The following NCK2 variants were observed in gnomAD, a reference collection of about 807,000 sequenced individuals.
NCK2 encodes NCK adaptor protein 2, also known as cytoplasmic protein NCK2.
Under a neutral mutation model 33.9 loss-of-function variants are expected in NCK2, and 16 were observed. The ratio of observed to expected loss-of-function variants is 0.47; its 90% confidence interval spans 0.32 to 0.72. The LOEUF (loss-of-function observed/expected upper bound fraction) is 0.72. Ranked by LOEUF, NCK2 falls within the 30% of genes least tolerant of loss-of-function variation. The pLI is 0.03. For missense variants in NCK2, 418 were observed against 537.3 expected (o/e 0.78, Z 2.19); for synonymous variants, 273 against 239.9 (o/e 1.14, Z -1.27).
At chr2:105,773,045 C>A (rs1573575066) in intron 1 of NCK2, among the ~76,000 whole-genome samples, 1 of 151,738 alleles carries the variant, frequency 6.6e-6, no homozygotes. Context: ...GTGTGTAGCA[C>A]CCCACTCAGC....
chr2:105,748,083 C>T (rs1689346887), intron 1 of NCK2, among the ~76,000 whole-genome samples: 1 of 152,208 alleles, frequency 6.6e-6, no homozygotes, highest in Non-Finnish European at 1.5e-5. Flanking sequence ...CACATACATT[C>T]CTACCTCAAG....
At chr2:105,811,193 C>G (rs1205006358) in intron 1 of NCK2, among the ~76,000 whole-genome samples, 2 of 149,504 alleles carry the variant, frequency 1.3e-5, no homozygotes, top group African/African-American at 4.9e-5. Context: ...TTATGGCTTT[C>G]TTCTATTATT....
chr2:105,860,017 G>T (rs75461089), intron 3 of NCK2, among the ~76,000 whole-genome samples: 1 of 152,196 alleles, frequency 6.6e-6, no homozygotes, highest in Non-Finnish European at 1.5e-5. Context: ...GGGCACGATG[G>T]TTTATGCCTG....
At chr2:105,774,438 G>A (rs892990855) in intron 1 of NCK2, among the ~76,000 whole-genome samples, 4 of 152,110 alleles carry the variant, frequency 2.6e-5, no homozygotes, top group African/African-American at 4.8e-5. Context: ...AGTATTTTCT[G>A]TGTTGGCAAA....
chr2:105,790,585 C>G (rs1187424814), intron 1 of NCK2, among the ~76,000 whole-genome samples: 1 of 152,232 alleles, frequency 6.6e-6, no homozygotes, highest in Non-Finnish European at 1.5e-5. Context: ...GTGTTGCTGC[C>G]TGGAGTGTCA....
intron 2 of NCK2, among the ~76,000 whole-genome samples, chr2:105,833,877 T>C (rs1676293189): frequency 6.6e-6 from 1 of 152,188 alleles, no homozygotes; most frequent in Admixed American, 6.5e-5. Context: ...GTTTCAGATT[T>C]TTTATTTCCT....
At chr2:105,748,318 T>G (rs934034218) in intron 1 of NCK2, among the ~76,000 whole-genome samples, 1 of 152,196 alleles carries the variant, frequency 6.6e-6, no homozygotes, top group Non-Finnish European at 1.5e-5. Flanking sequence ...GATGGCATCA[T>G]CTTTAAACTT....
intron 1 of NCK2, among the ~76,000 whole-genome samples, chr2:105,774,986 C>T (rs557300564): frequency 6.6e-6 from 1 of 152,040 alleles, no homozygotes; most frequent in Non-Finnish European, 1.5e-5. Context: ...TGAGGCCAGC[C>T]TGGGCTGTAT....
At chr2:105,831,840 T>C (rs900444745) in intron 2 of NCK2, among the ~76,000 whole-genome samples, 1 of 152,348 alleles carries the variant, frequency 6.6e-6, no homozygotes. Flanking sequence ...CCTCAAACTT[T>C]GTTCTTTTTG....
At chr2:105,800,272 C>T (rs1674777274) in intron 1 of NCK2, among the ~76,000 whole-genome samples, 1 of 152,212 alleles carries the variant, frequency 6.6e-6, no homozygotes. Context: ...GTTCTCTGTC[C>T]TCCCTGTGCA....
At chr2:105,782,504 C>T (rs1326098090) in intron 1 of NCK2, among the ~76,000 whole-genome samples, 2 of 152,210 alleles carry the variant, frequency 1.3e-5, no homozygotes, top group Non-Finnish European at 2.9e-5. Flanking sequence ...CACAAAATCT[C>T]ACTTGAGGAA....
intron 3 of NCK2, among the ~76,000 whole-genome samples, chr2:105,872,690 G>A: frequency 6.6e-6 from 1 of 152,232 alleles, no homozygotes; most frequent in Non-Finnish European, 1.5e-5. Flanking sequence ...GCCAGAGGTG[G>A]CATTTGTAGG....
At chr2:105,809,451 G>A (rs575027040) in intron 1 of NCK2, among the ~76,000 whole-genome samples, 1 of 152,284 alleles carries the variant, frequency 6.6e-6, no homozygotes, top group African/African-American at 2.4e-5. Context: ...GCAGACAGAT[G>A]CCTTCTTGCT....
chr2:105,780,720 G>C (rs1367277369), intron 1 of NCK2, among the ~76,000 whole-genome samples: 1 of 152,142 alleles, frequency 6.6e-6, no homozygotes, highest in East Asian at 1.9e-4. Flanking sequence ...TAAGAGGGGA[G>C]CGCTTGCAAA....
chr2:105,745,069 G>C lies in NCK2; in HGVS notation c.-270G>C, dbSNP rs1286680967. 6.8e-6 allele frequency: 1 copy of C among 147,012 alleles called. No homozygotes were observed. The highest frequency in any genetic ancestry group is 1.5e-5 in the Non-Finnish European group (1 of 66,052). 9.1% of individuals were successfully genotyped at this position (147,012 alleles called of 1,614,324 possible). A position where few individuals can be genotyped will look rare whatever the true frequency, so the allele number is the denominator to read the frequency against. ...CGCAGACAAAGAGCGGCGCCTGGGC[G>C]GGCGCAGCGCGGCCACCGCCCCGGG... On this transcript the variant is annotated 5_prime_UTR_variant, in exon 1 of 5. Coordinates refer to ENST00000233154, the MANE Select transcript of NCK2 (RefSeq NM_003581.5).
chr2:105,749,316 CTT>C (rs1558819590), intron 1 of NCK2, among the ~76,000 whole-genome samples: 1 of 152,174 alleles, frequency 6.6e-6, no homozygotes, highest in Non-Finnish European at 1.5e-5. Flanking sequence ...GCAGTTGCTT[CTT>C]TTGAGACAAT....
chr2:105,775,016 A>G (rs970036271), intron 1 of NCK2, among the ~76,000 whole-genome samples: 2 of 152,146 alleles, frequency 1.3e-5, no homozygotes, highest in African/African-American at 2.4e-5. Flanking sequence ...CTGTCTCTAC[A>G]ATGATAATAA....
Position 105,788,647 on chromosome 2 carries a change from T to C in NCK2, c.-200-27783T>C, listed in dbSNP as rs185949581. Among the ~76,000 whole-genome samples, 384 of 152,316 alleles carry C rather than the reference T, an allele frequency of 2.5e-3. 2 individuals carry two copies. Among genetic ancestry groups the C allele is most frequent in the African/African-American group, 8.4e-3 (351 of 41,590 alleles). The stretch of plus-strand genomic sequence containing the variant: ...CACTTCTGTTGGCCAGTGCAGAACT[T>C]CCTCATCTCTAAGTGCCTTCTCCTA... On this transcript the variant is annotated intron_variant, in intron 1 of 4. Coordinates refer to ENST00000233154, the MANE Select transcript of NCK2 (RefSeq NM_003581.5).
chr2:105,801,312 CCCCCAG>C (rs1478608789), intron 1 of NCK2, among the ~76,000 whole-genome samples: 3 of 152,130 alleles, frequency 2.0e-5, no homozygotes, highest in Non-Finnish European at 2.9e-5. Flanking sequence ...TTGTAGGGAT[CCCCCAG>C]CCCCAGCCCT....
Sources: allele counts gnomAD v4.1 joint callset (sites outside exome capture counted in the v4.1 genomes callset), GRCh38; gene constraint gnomAD v4.1.1; transcripts MANE v1.5; gene names NCBI Gene and HGNC (gene_info 2026-07-23, HGNC 2026-07-21).